DLC1: variants seen among roughly 807,000 people sequenced by gnomAD.
DLC1 encodes rho GTPase-activating protein 7.
A neutral mutation model predicts 140.3 loss-of-function variants in DLC1; 54 were observed. The observed-to-expected ratio is 0.38, with a 90% CI of 0.31 to 0.48. The LOEUF is 0.48. Among genes scored for constraint, DLC1 ranks in the 20% least tolerant of loss-of-function variants. The pLI is 0.96. For missense variants in DLC1, 2,536 were observed against 1,907.0 expected (o/e 1.33, Z -6.14); for synonymous variants, 986 against 728.1 (o/e 1.35, Z -5.70).
intron 4 of DLC1, among the ~76,000 whole-genome samples, chr8:13,346,043 C>T (rs908428945): frequency 1.3e-5 from 2 of 152,186 alleles, no homozygotes; most frequent in Admixed American, 6.5e-5. Flanking sequence ...GTGCATTTGT[C>T]GTTTCAGGTT....
Position 13,401,494 on chromosome 8 carries a change from T to C in DLC1, c.1149A>G (p.Pro383=), listed in dbSNP as rs1399882874. The C allele has an allele frequency of 1.2e-6, 2 of 1,612,650 alleles. No homozygotes were observed. Among genetic ancestry groups the C allele is most frequent in the East Asian group, 4.5e-5 (2 of 44,866 alleles). The change falls in exon 3 of 18, where the codon CCA becomes CCG. Residue 383 remains proline (P), a synonymous_variant. Transcript: ENST00000276297. ...CAGGAACGTGCCGCCGCAGGTTTGT[T>C]GGTGTGCCTGATGGAGAGGAGCTGG... ...LSTSSSPSGT[P]TNLRRHVPDL...
chr8:13,482,451 A>G (rs1472977106), intron 2 of DLC1, among the ~76,000 whole-genome samples: 1 of 152,156 alleles, frequency 6.6e-6, no homozygotes, highest in Non-Finnish European at 1.5e-5. Context: ...ATGCTGTCTG[A>G]CTAGAAGTGT....
At chr8:13,490,470 CAT>C (rs1563392569) in intron 2 of DLC1, among the ~76,000 whole-genome samples, 2 of 152,090 alleles carry the variant, frequency 1.3e-5, no homozygotes, top group Non-Finnish European at 2.9e-5. Flanking sequence ...TTTGTAAGAA[CAT>C]GAGCCAGAAA....
At chr8:13,449,356 A>G (rs1798939376) in intron 2 of DLC1, among the ~76,000 whole-genome samples, 1 of 152,200 alleles carries the variant, frequency 6.6e-6, no homozygotes, top group Non-Finnish European at 1.5e-5. Context: ...AGTGTGGGGC[A>G]ATATTTCCCA....
intron 4 of DLC1, among the ~76,000 whole-genome samples, chr8:13,320,355 C>G (rs1249410244): frequency 1.3e-5 from 2 of 151,990 alleles, no homozygotes; most frequent in Non-Finnish European, 2.9e-5. Context: ...AAGTTCAGCT[C>G]CTCTTTGCAT....
At position 13,098,424 on chromosome 8, in the gene DLC1, G is replaced by T; in HGVS notation, c.3142C>A (p.Pro1048Thr). 2 of 1,614,102 alleles carry T rather than the reference G, an allele frequency of 1.2e-6. No homozygotes were observed. The highest frequency in any genetic ancestry group is 1.1e-5 in the South Asian group (1 of 91,070). Reference protein sequence around the residue: ...KLTALLEKYTPSNKHGFSWAV... With the variant: ...KLTALLEKYTTSNKHGFSWAV... ...CAGCTAAAACCATGCTTGTTAGAAG[G>T]TGTGTATTTCTCCAGCAGGGCCGTT... Residue 1048 changes from proline (P) to threonine (T), a missense_variant, in exon 10 of 18, where the codon CCT becomes ACT. Transcript: ENST00000276297.
chr8:13,343,781 T>C (rs960736283), intron 4 of DLC1, among the ~76,000 whole-genome samples: 1 of 152,188 alleles, frequency 6.6e-6, no homozygotes, highest in East Asian at 1.9e-4. Flanking sequence ...TTTAAGGCCT[T>C]TGGTTCAATT....
intron 1 of DLC1, among the ~76,000 whole-genome samples, chr8:13,509,240 G>A (rs945427560): frequency 2.6e-4 from 39 of 152,126 alleles, no homozygotes; most frequent in Admixed American, 5.2e-4. Flanking sequence ...TAATCACTCC[G>A]CGTAAATAAC....
chr8:13,568,056 G>T, intron 1 of DLC1: 1 of 1,258,048 alleles, frequency 7.9e-7, no homozygotes, highest in Non-Finnish European at 1.1e-6. Flanking sequence ...CAGATTTGAG[G>T]ACTAAGAACT....
chr8:13,242,998 G>A (rs931788112), intron 5 of DLC1, among the ~76,000 whole-genome samples: 16 of 151,932 alleles, frequency 1.1e-4, no homozygotes, highest in Admixed American at 6.6e-4. Context: ...TTCTCGTGAT[G>A]GTGAGTGAGT....
intron 5 of DLC1, among the ~76,000 whole-genome samples, chr8:13,218,728 A>T (rs1239538595): frequency 1.4e-5 from 2 of 147,680 alleles, no homozygotes; most frequent in Admixed American, 6.9e-5. Context: ...TTAATAAGTT[A>T]AATATATAAT....
intron 5 of DLC1, among the ~76,000 whole-genome samples, chr8:13,278,941 C>T (rs1440966952): frequency 6.6e-6 from 1 of 152,138 alleles, no homozygotes; most frequent in Non-Finnish European, 1.5e-5. Flanking sequence ...GAAAAGCTTA[C>T]ATAGTAAGTG....
At chr8:13,196,472 T>C (rs1363781737) in intron 5 of DLC1, among the ~76,000 whole-genome samples, 6 of 152,226 alleles carry the variant, frequency 3.9e-5, no homozygotes, top group Non-Finnish European at 1.5e-5. Context: ...AGGCCATTAT[T>C]TGGGAGACAG....
At chr8:13,448,436 C>T (rs1402080529) in intron 2 of DLC1, among the ~76,000 whole-genome samples, 2 of 151,262 alleles carry the variant, frequency 1.3e-5, no homozygotes, top group Non-Finnish European at 1.5e-5. Flanking sequence ...CAATCTTGGC[C>T]CACTGCAACC....
intron 4 of DLC1, among the ~76,000 whole-genome samples, chr8:13,365,500 C>G (rs1835438076): frequency 6.6e-6 from 1 of 152,122 alleles, no homozygotes; most frequent in Non-Finnish European, 1.5e-5. Flanking sequence ...AGAGTTCAAA[C>G]AGAAGACACC....
intron 2 of DLC1, among the ~76,000 whole-genome samples, chr8:13,494,762 C>T (rs1202851216): frequency 6.6e-6 from 1 of 151,986 alleles, no homozygotes; most frequent in Non-Finnish European, 1.5e-5. Context: ...ACCAGGCTGG[C>T]CAACATGGCG....
chr8:13,554,149 C>T (rs780655326), intron 1 of DLC1, among the ~76,000 whole-genome samples: 1 of 152,096 alleles, frequency 6.6e-6, no homozygotes, highest in African/African-American at 2.4e-5. Context: ...TCACTGCAAC[C>T]TCTGCCTCCT....
intron 5 of DLC1, among the ~76,000 whole-genome samples, chr8:13,195,032 C>T (rs1162364312): frequency 6.6e-6 from 1 of 152,038 alleles, no homozygotes; most frequent in Non-Finnish European, 1.5e-5. Flanking sequence ...AGAAAGTAAA[C>T]CTAGAAAAAC....
intron 4 of DLC1, among the ~76,000 whole-genome samples, chr8:13,345,588 G>T (rs1204539615): frequency 1.0e-5 from 1 of 97,702 alleles, no homozygotes; most frequent in African/African-American, 4.1e-5. Context: ...GAGTCTTGCT[G>T]TATCACCCAG....
Sources: allele counts gnomAD v4.1 joint callset (sites outside exome capture counted in the v4.1 genomes callset), GRCh38; gene constraint gnomAD v4.1.1; transcripts MANE v1.5; gene names NCBI Gene and HGNC (gene_info 2026-07-23, HGNC 2026-07-21).